EPHB1: variants seen among roughly 807,000 people sequenced by gnomAD.
EPHB1 encodes the protein ephrin type-B receptor 1.
Under a neutral mutation model 94.4 loss-of-function variants are expected in EPHB1, and 30 were observed. That is an observed-to-expected ratio of 0.32 (90% CI 0.24 to 0.43). The LOEUF (loss-of-function observed/expected upper bound fraction) is 0.43, where lower values mean the gene tolerates loss of function less well. Ranked by LOEUF, EPHB1 falls within the 20% of genes least tolerant of loss-of-function variation. The pLI is 1.00. For synonymous variants in EPHB1, 522 were observed against 489.1 expected (o/e 1.07, Z -0.89); for missense variants, 1,055 against 1,308.3 (o/e 0.81, Z 2.99).
intron 12 of EPHB1, among the ~76,000 whole-genome samples, chr3:135,204,282 C>T (rs1478155378): frequency 6.6e-6 from 1 of 152,180 alleles, no homozygotes; most frequent in East Asian, 1.9e-4. Flanking sequence ...CGGCTCACTG[C>T]AACCTCTGCC....
At chr3:135,253,528 T>C (rs1209768272) in intron 15 of EPHB1, among the ~76,000 whole-genome samples, 8 of 151,952 alleles carry the variant, frequency 5.3e-5, no homozygotes, top group Admixed American at 2.6e-4. Context: ...GTCGTAGATA[T>C]GCGGCATTAT....
At chr3:134,882,765 C>CTTTTTT (rs1553861895) in intron 1 of EPHB1, among the ~76,000 whole-genome samples, 2 of 79,882 alleles carry the variant, frequency 2.5e-5, no homozygotes, top group East Asian at 3.7e-4. Flanking sequence ...TTCCTTCCTT[C>CTTTTTT]CTTTCTTTCT....
At position 135,192,589 on chromosome 3, in the gene EPHB1, A is replaced by G. The variant is rs1942489168; in HGVS notation, c.1896A>G (p.Glu632=). The G allele has an allele frequency of 6.2e-7, 1 of 1,613,786 alleles. No individual in the cohort carries two copies. The highest frequency in any genetic ancestry group is 8.5e-7 in the Non-Finnish European group (1 of 1,179,788). The change falls in exon 11 of 16, where the codon GAA becomes GAG. Residue 632 remains glutamate (E), a synonymous_variant. Transcript: ENST00000398015. ...EEVIGAGEFG[E]VYKGRLKLPG... The stretch of plus-strand genomic sequence containing the variant: ...TTGCTGTTGCAGGGGAGTTTGGAGA[A>G]GTGTACAAGGGGCGTTTGAAACTGC...
At chr3:134,862,766 C>A (rs189657531) in intron 1 of EPHB1, among the ~76,000 whole-genome samples, 12 of 152,126 alleles carry the variant, frequency 7.9e-5, no homozygotes, top group African/African-American at 2.9e-4. Flanking sequence ...CAAGACATCC[C>A]TTTTGCTGTG....
intron 4 of EPHB1, among the ~76,000 whole-genome samples, chr3:135,117,926 G>C (rs1939779219): frequency 6.6e-6 from 1 of 152,194 alleles, no homozygotes; most frequent in African/African-American, 2.4e-5. Flanking sequence ...CTGGGGCAGA[G>C]GTGCCCAGAA....
At chr3:135,117,877 G>A (rs1369133199) in intron 4 of EPHB1, among the ~76,000 whole-genome samples, 1 of 152,246 alleles carries the variant, frequency 6.6e-6, no homozygotes, top group Non-Finnish European at 1.5e-5. Flanking sequence ...TTGCATGGCA[G>A]CTGTGTAGTG....
intron 6 of EPHB1, among the ~76,000 whole-genome samples, chr3:135,154,863 A>T (rs991888114): frequency 6.6e-6 from 1 of 152,162 alleles, no homozygotes; most frequent in Non-Finnish European, 1.5e-5. Context: ...GGCTGCCAAG[A>T]AAAGGGAAAT....
intron 12 of EPHB1, among the ~76,000 whole-genome samples, chr3:135,212,833 T>C (rs1943062117): frequency 6.6e-6 from 1 of 152,226 alleles, no homozygotes; most frequent in Non-Finnish European, 1.5e-5. Flanking sequence ...TATTTTCTTT[T>C]TCCTTCTCTT....
intron 1 of EPHB1, among the ~76,000 whole-genome samples, chr3:134,871,604 A>T (rs1384145798): frequency 6.6e-6 from 1 of 152,146 alleles, no homozygotes; most frequent in East Asian, 1.9e-4. Flanking sequence ...TATTGAGTGT[A>T]TTGCACTTCA....
At chr3:135,052,632 C>T (rs1041818921) in intron 3 of EPHB1, among the ~76,000 whole-genome samples, 8 of 151,152 alleles carry the variant, frequency 5.3e-5, no homozygotes, top group East Asian at 3.9e-4. Context: ...GAGGCCGAGG[C>T]GGGCGGATCA....
chr3:135,213,382 C>T (rs778332571), intron 12 of EPHB1, among the ~76,000 whole-genome samples: 29 of 152,206 alleles, frequency 1.9e-4, no homozygotes, highest in Non-Finnish European at 3.4e-4. Context: ...GCATGGTTTA[C>T]GCAACTTTGT....
chr3:135,169,956 C>T (rs1336907654), intron 9 of EPHB1, among the ~76,000 whole-genome samples: 3 of 152,190 alleles, frequency 2.0e-5, no homozygotes, highest in Non-Finnish European at 2.9e-5. Context: ...CTCTGAATCC[C>T]ACTGCAGGAG....
intron 3 of EPHB1, among the ~76,000 whole-genome samples, chr3:135,052,860 CAAAAAAAA>C (rs1193207059): frequency 5.8e-4 from 7 of 12,090 alleles, no homozygotes; most frequent in African/African-American, 2.7e-3. Context: ...GACTCCGTCT[CAAAAAAAA>C]AAAAAAAAAA....
intron 3 of EPHB1, among the ~76,000 whole-genome samples, chr3:135,085,337 G>A (rs537761932): frequency 6.6e-6 from 1 of 152,366 alleles, no homozygotes; most frequent in African/African-American, 2.4e-5. Flanking sequence ...AACTGGTGCA[G>A]TGAGACATTT....
At chr3:134,825,253 G>C (rs141179867) in intron 1 of EPHB1, among the ~76,000 whole-genome samples, 8 of 152,188 alleles carry the variant, frequency 5.3e-5, no homozygotes, top group African/African-American at 1.9e-4. Context: ...GAGATGTTAC[G>C]ATCATCTGTC....
chr3:135,088,031 A>G (rs1197097676), intron 3 of EPHB1, among the ~76,000 whole-genome samples: 1 of 152,138 alleles, frequency 6.6e-6, no homozygotes, highest in Non-Finnish European at 1.5e-5. Flanking sequence ...TATGACATAG[A>G]CCATACTTAT....
intron 4 of EPHB1, among the ~76,000 whole-genome samples, chr3:135,125,395 G>C (rs1010141589): frequency 3.3e-5 from 5 of 151,984 alleles, no homozygotes; most frequent in Non-Finnish European, 7.3e-5. Context: ...CACTCTCCAA[G>C]GTCCTGAACC....
chr3:134,990,662 G>T (rs140931391), intron 3 of EPHB1, among the ~76,000 whole-genome samples: 37 of 152,312 alleles, frequency 2.4e-4, no homozygotes, highest in Non-Finnish European at 4.9e-4. Context: ...AAGTCCCTTA[G>T]ACAAAATGGT....
At chr3:135,141,439 T>C (rs1381340974) in intron 5 of EPHB1, among the ~76,000 whole-genome samples, 1 of 152,156 alleles carries the variant, frequency 6.6e-6, no homozygotes, top group African/African-American at 2.4e-5. Context: ...CCCTCAGCAA[T>C]GTGTCCTCTG....
Sources: gnomAD v4.1 joint callset for allele counts (sites outside exome capture counted in the v4.1 genomes callset) on GRCh38, gnomAD v4.1.1 for gene constraint, MANE v1.5 for transcripts, NCBI Gene and HGNC (gene_info 2026-07-23, HGNC 2026-07-21) for gene names.